The following BIN1 variants were observed in gnomAD, a reference collection of about 807,000 sequenced individuals.
The protein encoded by BIN1 is bridging integrator 1.
In BIN1, 53 loss-of-function variants were observed where a neutral mutation model predicts 82.0. The observed-to-expected ratio is 0.65, with a 90% CI of 0.52 to 0.81. The LOEUF is 0.81. Ranked by LOEUF, BIN1 falls within the 40% of genes least tolerant of loss-of-function variation. The probability of loss-of-function intolerance (pLI) is 0.00; values close to 1 mark genes in which losing one functional copy is unlikely to be tolerated. For synonymous variants in BIN1, 302 were observed against 328.0 expected (o/e 0.92, Z 0.86); for missense variants, 642 against 784.4 (o/e 0.82, Z 2.17).
chr2:127,091,601 T>C (rs1344491092), intron 1 of BIN1, among the ~76,000 whole-genome samples: 1 of 152,112 alleles, frequency 6.6e-6, no homozygotes. Flanking sequence ...AGAATAAGGG[T>C]TGGCTGACCG....
chr2:127,085,551 G>A (rs1366882110), intron 1 of BIN1, among the ~76,000 whole-genome samples: 1 of 152,156 alleles, frequency 6.6e-6, no homozygotes, highest in Non-Finnish European at 1.5e-5. Context: ...GAGGAACCAC[G>A]AAGAAGCCAC....
intron 10 of BIN1, among the ~76,000 whole-genome samples, chr2:127,061,476 C>T (rs1684479627): frequency 6.6e-6 from 1 of 152,228 alleles, no homozygotes; most frequent in African/African-American, 2.4e-5. Context: ...CACAGTCCCC[C>T]TCACACACAC....
At position 127,070,780 on chromosome 2, in the gene BIN1, AG is replaced by A. The variant is rs773186020; in HGVS notation, c.201del (p.Tyr68ThrfsTer15). 1.9e-6 allele frequency: 3 copies of A among 1,613,432 alleles called. No individual in the cohort carries two copies. Among genetic ancestry groups the A allele is most frequent in the Non-Finnish European group, 2.5e-6 (3 of 1,179,996 alleles). On this transcript the variant is annotated frameshift_variant, in exon 3 of 19. Coordinates refer to ENST00000316724, the MANE Select transcript of BIN1 (RefSeq NM_139343.3). LOFTEE classifies it high-confidence loss of function. ...EGTRLQKDLR[T>X]YLASVKAMHE... is the part of the protein sequence containing the mutation. The stretch of plus-strand genomic sequence containing the variant: ...CTCCTACCTTTGACGGAGGCCAGGT[AG>A]GTCCGGAGATCCTTCTGCAGCCGGG...
intron 2 of BIN1, among the ~76,000 whole-genome samples, chr2:127,071,220 T>C (rs1270293080): frequency 6.6e-6 from 1 of 152,080 alleles, no homozygotes; most frequent in Non-Finnish European, 1.5e-5. Flanking sequence ...CACAGGAGTA[T>C]GGGCAAGGCA....
chr2:127,048,086 A>C lies in BIN1; in HGVS notation c.*440T>G. ...CATTTTGTTTTGAACACTAAGATTT[A>C]TTTTCAAACAGCACACAGACCGTCT... On this transcript the variant is annotated 3_prime_UTR_variant, in exon 19 of 19. Coordinates refer to ENST00000316724, the MANE Select transcript of BIN1 (RefSeq NM_139343.3). 2 of 202,994 alleles carry C rather than the reference A, an allele frequency of 9.9e-6. No homozygotes were observed. Among genetic ancestry groups the C allele is most frequent in the South Asian group, 8.7e-5 (1 of 11,536 alleles). The allele number at this position is 202,994 out of a possible 1,614,324, so 12.6% of individuals were successfully genotyped here. A position where few individuals can be genotyped will look rare whatever the true frequency, so the allele number is the denominator to read the frequency against.
chr2:127,071,321 C>A (rs1685862695), intron 2 of BIN1, among the ~76,000 whole-genome samples: 1 of 152,172 alleles, frequency 6.6e-6, no homozygotes, highest in Admixed American at 6.5e-5. Flanking sequence ...GAAAAGAGGG[C>A]CCGGTGCGAG....
At chr2:127,062,089 G>A (rs1009987459) in intron 10 of BIN1, 26 bp downstream of exon 10, 3 of 1,582,064 alleles carry the variant, frequency 1.9e-6, no homozygotes, top group Non-Finnish European at 2.6e-6. Flanking sequence ...CACAGTCAGG[G>A]GCGCCAGGGC....
intron 10 of BIN1, among the ~76,000 whole-genome samples, chr2:127,060,439 T>C (rs924420216): frequency 2.0e-5 from 3 of 152,140 alleles, no homozygotes; most frequent in African/African-American, 7.2e-5. Flanking sequence ...CGCCTCCGCC[T>C]TCCCACCCAA....
rs1685471043 is a variant in BIN1 at position 127,068,668 on chromosome 2, C to A, written c.519+256G>T. ...CCGTTCCAGGGAAACCCAGGAGGCC[C>A]ATTCTCAGGCTGGCAGGTGGCCTGG... On this transcript the variant is annotated intron_variant, in intron 6 of 18. Transcript: ENST00000316724. This position sits in a 1 kb window ranked among gnomAD's most constrained non-coding sequence, Gnocchi z 4.9. Among the ~76,000 whole-genome samples, 1 of 152,204 alleles carries A rather than the reference C, an allele frequency of 6.6e-6. No individual in the cohort carries two copies. Among genetic ancestry groups the A allele is most frequent in the Non-Finnish European group, 1.5e-5 (1 of 68,020 alleles).
At chr2:127,063,485 G>T (rs1310675978) in intron 9 of BIN1, 86 bp downstream of exon 9, 2 of 1,382,024 alleles carry the variant, frequency 1.4e-6, no homozygotes, top group East Asian at 4.9e-5. Flanking sequence ...AGGGAAGGAG[G>T]AGTTCAGGCT....
intron 1 of BIN1, among the ~76,000 whole-genome samples, chr2:127,088,160 A>G (rs1247439580): frequency 2.2e-4 from 33 of 152,312 alleles, no homozygotes; most frequent in Non-Finnish European, 5.9e-5. Flanking sequence ...AGCTGGCCAG[A>G]CGCAGGAGGG....
intron 1 of BIN1, among the ~76,000 whole-genome samples, chr2:127,084,964 A>G (rs748578657): frequency 1.8e-4 from 27 of 152,180 alleles, no homozygotes; most frequent in Admixed American, 5.2e-4. Context: ...AGGCGTCTTC[A>G]GAGCAGCAGT....
intron 1 of BIN1, among the ~76,000 whole-genome samples, chr2:127,101,142 C>A (rs900354622): frequency 6.6e-6 from 1 of 152,178 alleles, no homozygotes; most frequent in African/African-American, 2.4e-5. Context: ...AGCAGCCCCT[C>A]CTGCCTCCCC....
rs1223928344 is a variant in BIN1 at position 127,057,533 on chromosome 2, C to G, written c.1071G>C (p.Gln357His). Residue 357 changes from glutamine (Q) to histidine (H), a missense_variant, in exon 12 of 19, where the codon CAG (glutamine) becomes CAC (histidine). Gln to His is a conservative substitution (Grantham distance 24, BLOSUM62 0). Transcript: ENST00000316724. The surrounding 1 kb of genome is among the most constrained non-coding windows in gnomAD (Gnocchi z 5.0). ...HTPSKEVKQE[Q>H]ILSLFEDTFV... The stretch of plus-strand genomic sequence containing the variant: ...ACGTGTCCTCAAACAGGCTGAGGAT[C>G]TGCTCCTGCTTGACTTCCTTGGACG... The G allele has an allele frequency of 1.3e-6, 2 of 1,546,100 alleles. No individual in the cohort carries two copies. The highest frequency in any genetic ancestry group is 1.7e-6 in the Non-Finnish European group (2 of 1,143,046).
intron 7 of BIN1, among the ~76,000 whole-genome samples, chr2:127,065,301 G>A (rs895145932): frequency 6.6e-6 from 1 of 152,148 alleles, no homozygotes; most frequent in Non-Finnish European, 1.5e-5. Flanking sequence ...GGCAGAATGG[G>A]GAGCGGGGGG....
rs533125195 is a variant in BIN1, at chr2:127,068,348, C to T, written c.520-93G>A. The T allele has an allele frequency of 1.1e-4, 115 of 1,034,560 alleles. No individual in the cohort carries two copies. Among genetic ancestry groups the T allele is most frequent in the African/African-American group, 9.3e-4 (59 of 63,426 alleles). The allele number at this position is 1,034,560 out of a possible 1,614,324, so 64.1% of individuals were successfully genotyped here. ...CACACAGATTAAATGCAGGTCCACA[C>T]GCCCCACGCGCGGGGGCCACCCCAA... On this transcript the variant is annotated intron_variant, in intron 6 of 18. Coordinates refer to ENST00000316724, the MANE Select transcript of BIN1 (RefSeq NM_139343.3). The surrounding 1 kb of genome is among the most constrained non-coding windows in gnomAD (Gnocchi z 4.9).
intron 1 of BIN1, among the ~76,000 whole-genome samples, chr2:127,086,474 C>A (rs888442561): frequency 6.6e-6 from 1 of 152,086 alleles, no homozygotes; most frequent in Non-Finnish European, 1.5e-5. Context: ...CCCAGGAAGG[C>A]CTGGCCTCGC....
intron 8 of BIN1, 25 bp from the exon 9 acceptor site, chr2:127,063,671 G>C (rs1170878726): frequency 6.2e-7 from 1 of 1,610,142 alleles, no homozygotes; most frequent in Non-Finnish European, 8.5e-7. Context: ...AAGGATGGGG[G>C]CCAGGTGAAC....
rs1573629685 is a variant in BIN1 at position 127,067,592 on chromosome 2, T to C, written c.612+571A>G. Among the ~76,000 whole-genome samples, 1 of 151,986 alleles carries C rather than the reference T, an allele frequency of 6.6e-6. No homozygotes were observed. ...TCAGCATCCCATCCAGACTGGAGGG[T>C]CCTCCCAGTAACTCCTCCAGAGTCA... is the stretch of plus-strand genomic sequence containing the variant. On this transcript the variant is annotated intron_variant, in intron 7 of 18. Coordinates refer to ENST00000316724, the MANE Select transcript of BIN1 (RefSeq NM_139343.3). The surrounding 1 kb of genome is among the most constrained non-coding windows in gnomAD (Gnocchi z 4.7).
Sources: allele counts gnomAD v4.1 joint callset (sites outside exome capture counted in the v4.1 genomes callset), GRCh38; gene constraint gnomAD v4.1.1; non-coding constraint Gnocchi (gnomAD v3.1); transcripts MANE v1.5; gene names NCBI Gene and HGNC (gene_info 2026-07-23, HGNC 2026-07-21).